ARL17B: variants seen among roughly 807,000 people sequenced by gnomAD.
ARL17B encodes ADP-ribosylation factor-like protein 17.
intron 4 of ARL17B, chr17:46,275,486 G>A: frequency 1.5e-6 from 1 of 677,778 alleles, no homozygotes; most frequent in African/African-American, 1.9e-5. Flanking sequence ...TTATGCGGAT[G>A]CCAAAGTAAA....
chr17:46,337,443 A>G lies in ARL17B; in HGVS notation c.*2057T>C. ...CTATCTTCTAGGATGGACTTTCCTC[A>G]TTTGGACAGCCGCTCTGGTTTAAAG... On this transcript the variant is annotated 3_prime_UTR_variant, in exon 4 of 4. Transcript: ENST00000450673. 1 of 782,312 alleles carries G rather than the reference A, an allele frequency of 1.3e-6. No individual in the cohort carries two copies. 48.5% of individuals were successfully genotyped at this position (782,312 alleles called of 1,614,324 possible).
intron 3 of ARL17B, among the ~76,000 whole-genome samples, chr17:46,317,174 C>T (rs1159440834): frequency 2.3e-5 from 2 of 87,798 alleles, no homozygotes; most frequent in Non-Finnish European, 3.4e-5. Context: ...CTCCTCACAT[C>T]CCAGACGGGC....
intron 4 of ARL17B, among the ~76,000 whole-genome samples, chr17:46,284,103 T>C (rs1368637722): frequency 1.3e-5 from 2 of 152,232 alleles, no homozygotes; most frequent in Admixed American, 6.5e-5. Flanking sequence ...CTTCCTCTTG[T>C]CTCAACTGCA....
At chr17:46,291,985 A>AAAAAAAAAAAAAAAAAAAAAAAAAAAAAC (rs1360524355) in intron 4 of ARL17B, among the ~76,000 whole-genome samples, 1 of 76,592 alleles carries the variant, frequency 1.3e-5, no homozygotes, top group Non-Finnish European at 2.8e-5. Context: ...AAAAAAAAAA[A>AAAAAAAAAAAAAAAAAAAAAAAAAAAAAC]AAGCCAATAA....
chr17:46,330,845 G>A (rs1382708081), downstream of ARL17B: 1 of 718,186 alleles, frequency 1.4e-6, no homozygotes, highest in East Asian at 2.6e-5. Flanking sequence ...CATCAGGAGG[G>A]AACAGGGTGC....
chr17:46,332,542 T>G (rs1396531243), downstream of ARL17B: 2 of 1,444,714 alleles, frequency 1.4e-6, no homozygotes, highest in East Asian at 2.6e-5. Flanking sequence ...TTGTGTGTTT[T>G]TTTTTTTAGC....
chr17:46,286,510 G>A (rs2049916276), intron 4 of ARL17B, among the ~76,000 whole-genome samples: 1 of 152,158 alleles, frequency 6.6e-6, no homozygotes, highest in South Asian at 2.1e-4. Flanking sequence ...GTCCAAACAA[G>A]TCAAGCTAGT....
intron 3 of ARL17B, among the ~76,000 whole-genome samples, chr17:46,315,521 T>A (rs2051042062): frequency 1.5e-5 from 1 of 66,916 alleles, no homozygotes. Flanking sequence ...AGTGAAAACC[T>A]GTCTTGAAAA....
intron 4 of ARL17B, among the ~76,000 whole-genome samples, chr17:46,287,205 G>A (rs1206545771): frequency 6.6e-6 from 1 of 152,198 alleles, no homozygotes; most frequent in East Asian, 1.9e-4. Flanking sequence ...AGTGAAATAT[G>A]GGTCTTTAAA....
chr17:46,278,570 A>C (rs1322989383), intron 4 of ARL17B, among the ~76,000 whole-genome samples: 4 of 151,130 alleles, frequency 2.6e-5, no homozygotes, highest in African/African-American at 9.8e-5. Flanking sequence ...CGACCGGCTA[A>C]TTTTTGTATT....
chr17:46,330,950 A>G (rs556963585), downstream of ARL17B: 2 of 724,720 alleles, frequency 2.8e-6, 1 homozygote, highest in Admixed American at 5.8e-5. Flanking sequence ...GGGGCCTGAG[A>G]AGTTAGCGGG....
At chr17:46,332,503 G>A, downstream of ARL17B, 1 of 1,250,404 alleles carries the variant, frequency 8.0e-7, no homozygotes, top group Non-Finnish European at 1.1e-6. Context: ...CTGGGGTTTT[G>A]AATAGTTAGC....
chr17:46,324,997 G>T (rs1427327698), intron 3 of ARL17B, among the ~76,000 whole-genome samples: 1 of 77,834 alleles, frequency 1.3e-5, no homozygotes, highest in Admixed American at 1.3e-4. Flanking sequence ...TGCTAGGGCT[G>T]GTTGAGGGAA....
intron 4 of ARL17B, among the ~76,000 whole-genome samples, chr17:46,284,547 C>T (rs1420994972): frequency 1.3e-5 from 2 of 152,232 alleles, no homozygotes; most frequent in Non-Finnish European, 2.9e-5. Flanking sequence ...TACACAGACA[C>T]AGCAACAATC....
intron 3 of ARL17B, chr17:46,309,823 A>AC (rs1218030045): frequency 7.9e-5 from 1 of 12,612 alleles, no homozygotes; most frequent in Non-Finnish European, 2.5e-4. Flanking sequence ...TTTGGTATGT[A>AC]CTGGAATCCT....
chr17:46,343,166 TG>T (rs1187972269), intron 3 of ARL17B, among the ~76,000 whole-genome samples: 1 of 112,390 alleles, frequency 8.9e-6, no homozygotes, highest in Non-Finnish European at 1.8e-5. Flanking sequence ...ACGGGCCACG[TG>T]GGTGGAGAGT....
At chr17:46,284,429 C>G (rs1217831353) in intron 4 of ARL17B, among the ~76,000 whole-genome samples, 3 of 152,236 alleles carry the variant, frequency 2.0e-5, no homozygotes, top group Non-Finnish European at 4.4e-5. Flanking sequence ...CAGCACATGT[C>G]TCAGAGAGCA....
chr17:46,288,397 C>T (rs2049976887), intron 4 of ARL17B, among the ~76,000 whole-genome samples: 1 of 147,804 alleles, frequency 6.8e-6, no homozygotes. Context: ...CAACCTCTGT[C>T]TCCTGGCTTC....
chr17:46,280,505 T>C (rs1462992546), intron 4 of ARL17B, among the ~76,000 whole-genome samples: 3 of 151,960 alleles, frequency 2.0e-5, no homozygotes, highest in Non-Finnish European at 1.5e-5. Flanking sequence ...CAAGACCCTG[T>C]CCCTAATTAA....
Sources: gnomAD v4.1 joint callset for allele counts (sites outside exome capture counted in the v4.1 genomes callset) on GRCh38, gnomAD v4.1.1 for gene constraint, MANE v1.5 for transcripts, NCBI Gene and HGNC (gene_info 2026-07-23, HGNC 2026-07-21) for gene names.